RBFOX1: variants seen among roughly 807,000 people sequenced by gnomAD.
RBFOX1 encodes the protein RNA binding fox-1 homolog 1, also known as RNA binding protein fox-1 homolog 1.
A neutral mutation model predicts 57.7 loss-of-function variants in RBFOX1; 8 were observed. The observed-to-expected ratio is 0.14, with a 90% CI of 0.08 to 0.25. RBFOX1 has a LOEUF of 0.25. Among genes scored for constraint, RBFOX1 ranks in the 10% least tolerant of loss-of-function variants. The pLI, the probability that RBFOX1 is intolerant of heterozygous loss-of-function variation, is 1.00. For synonymous variants in RBFOX1, 326 were observed against 222.4 expected, an observed-to-expected ratio of 1.47 and a Z score of -4.15; for missense variants, 611 against 548.5, an observed-to-expected ratio of 1.11 and a Z score of -1.14.
intron 5 of RBFOX1, among the ~76,000 whole-genome samples, chr16:7,522,932 A>C (rs578221194): frequency 6.6e-6 from 1 of 152,362 alleles, no homozygotes; most frequent in African/African-American, 2.4e-5. Flanking sequence ...ACTGCTATCC[A>C]GATAATGAAT....
chr16:5,260,924 A>G (rs540934180), intron 1 of RBFOX1: 1 of 152,246 alleles, frequency 6.6e-6, no homozygotes, highest in African/African-American at 2.4e-5. Context: ...GATGACACCC[A>G]TTGTGGTCTT....
At chr16:5,406,536 T>C (rs894511169) in intron 1 of RBFOX1, among the ~76,000 whole-genome samples, 2 of 152,104 alleles carry the variant, frequency 1.3e-5, no homozygotes, top group African/African-American at 4.8e-5. Flanking sequence ...TCATACCTTA[T>C]AATAAATCTC....
chr16:7,341,125 T>G (rs962385136), intron 4 of RBFOX1, among the ~76,000 whole-genome samples: 1 of 152,086 alleles, frequency 6.6e-6, no homozygotes, highest in Non-Finnish European at 1.5e-5. Context: ...TATTTATGTT[T>G]TTCCCCCGTC....
chr16:7,375,304 A>G (rs1486365647), intron 4 of RBFOX1, among the ~76,000 whole-genome samples: 12 of 152,178 alleles, frequency 7.9e-5, no homozygotes. Flanking sequence ...CCATCTTATT[A>G]GTCTCAAGGT....
At chr16:6,316,005 G>A (rs1443473017) in intron 1 of RBFOX1, among the ~76,000 whole-genome samples, 1 of 152,138 alleles carries the variant, frequency 6.6e-6, no homozygotes, top group Non-Finnish European at 1.5e-5. Context: ...TGCAAATAAT[G>A]TTTAAAATTT....
At chr16:6,886,002 G>A (rs934714897) in intron 3 of RBFOX1, among the ~76,000 whole-genome samples, 8 of 151,454 alleles carry the variant, frequency 5.3e-5, no homozygotes, top group Admixed American at 1.3e-4. Flanking sequence ...AAAAGTGAAA[G>A]TTATTAACGA....
At chr16:5,784,282 C>G (rs540543370) in intron 3 of RBFOX1, among the ~76,000 whole-genome samples, 1 of 152,256 alleles carries the variant, frequency 6.6e-6, no homozygotes, top group South Asian at 2.1e-4. Flanking sequence ...ACAAAATTAG[C>G]TGGGCGTGGT....
intron 1 of RBFOX1, among the ~76,000 whole-genome samples, chr16:6,302,655 C>T (rs190500617): frequency 5.9e-5 from 9 of 152,176 alleles, no homozygotes; most frequent in Non-Finnish European, 8.8e-5. Flanking sequence ...GCATACGAAC[C>T]AGGTCATCTG....
At chr16:6,414,215 T>C (rs944380574) in intron 2 of RBFOX1, among the ~76,000 whole-genome samples, 1 of 152,194 alleles carries the variant, frequency 6.6e-6, no homozygotes, top group Non-Finnish European at 1.5e-5. Flanking sequence ...CTTGGAAAGG[T>C]GGATGAAAGC....
chr16:5,389,394 C>T (rs1398563289), intron 1 of RBFOX1, among the ~76,000 whole-genome samples: 1 of 152,018 alleles, frequency 6.6e-6, no homozygotes, highest in Non-Finnish European at 1.5e-5. Context: ...GTGCCTCATA[C>T]GATGTTGAGC....
At chr16:6,883,999 C>A (rs919707543) in intron 3 of RBFOX1, among the ~76,000 whole-genome samples, 3 of 152,116 alleles carry the variant, frequency 2.0e-5, no homozygotes, top group African/African-American at 7.2e-5. Flanking sequence ...ACTGGGGAGT[C>A]ACACACAAGG....
At chr16:6,719,467 G>C (rs2065499960) in intron 3 of RBFOX1, among the ~76,000 whole-genome samples, 1 of 150,314 alleles carries the variant, frequency 6.7e-6, no homozygotes, top group Admixed American at 6.6e-5. Flanking sequence ...TTGAGACAGA[G>C]TCTTGCTCTG....
intron 4 of RBFOX1, among the ~76,000 whole-genome samples, chr16:7,265,690 C>T (rs999135652): frequency 6.6e-5 from 10 of 152,176 alleles, no homozygotes; most frequent in African/African-American, 2.4e-4. Context: ...CTCAGGTGAT[C>T]CGCCTGCCTT....
chr16:6,794,256 T>C (rs1303508518), intron 3 of RBFOX1, among the ~76,000 whole-genome samples: 2 of 151,042 alleles, frequency 1.3e-5, no homozygotes, highest in East Asian at 3.9e-4. Flanking sequence ...TTGCTCCATG[T>C]TGTGTGTTGT....
rs142153955 is a variant in RBFOX1 at position 5,518,765 on chromosome 16, G to GT, written c.258+51512dup. Among the ~76,000 whole-genome samples, 524 of 152,250 alleles carry GT rather than the reference G, an allele frequency of 3.4e-3. 5 individuals carry two copies. The highest frequency in any genetic ancestry group is 0.015 in the East Asian group (79 of 5,176). On this transcript the variant is annotated intron_variant, in intron 2 of 2. Coordinates refer to the RBFOX1 transcript ENST00000585867. Reference sequence around the variant, plus strand: ...TCCCTGTCCTGCATGAGGCACAAACGTATTATAAGGAACACAGAAACAGAG... The same window carrying GT: ...TCCCTGTCCTGCATGAGGCACAAACGTTATTATAAGGAACACAGAAACAGAG...
At chr16:6,805,954 C>G (rs2086671350) in intron 3 of RBFOX1, among the ~76,000 whole-genome samples, 1 of 152,148 alleles carries the variant, frequency 6.6e-6, no homozygotes, top group African/African-American at 2.4e-5. Flanking sequence ...ATTCCAAAAG[C>G]CAAGCTGGAA....
intron 3 of RBFOX1, among the ~76,000 whole-genome samples, chr16:6,959,303 C>T (rs1011270079): frequency 5.9e-5 from 9 of 152,120 alleles, no homozygotes; most frequent in African/African-American, 2.2e-4. Flanking sequence ...TCATATTAAA[C>T]TTTTTCTGTT....
chr16:7,587,609 A>G (rs2094199357), intron 7 of RBFOX1, among the ~76,000 whole-genome samples: 1 of 152,220 alleles, frequency 6.6e-6, no homozygotes, highest in African/African-American at 2.4e-5. Flanking sequence ...TGTTCTTTAT[A>G]TTAAAAAGTG....
intron 1 of RBFOX1, among the ~76,000 whole-genome samples, chr16:6,029,154 G>A (rs771662074): frequency 6.6e-6 from 1 of 152,096 alleles, no homozygotes; most frequent in Non-Finnish European, 1.5e-5. Context: ...GATACAAAAG[G>A]TTCCCTAGTT....
Sources: allele counts gnomAD v4.1 joint callset (sites outside exome capture counted in the v4.1 genomes callset), GRCh38; gene constraint gnomAD v4.1.1; transcripts MANE v1.5; gene names NCBI Gene and HGNC (gene_info 2026-07-23, HGNC 2026-07-21).